The following DDO variants were observed in gnomAD, a reference collection of about 807,000 sequenced individuals.
DDO encodes the protein D-aspartate oxidase, DDO.
A neutral mutation model predicts 16.8 loss-of-function variants in DDO; 16 were observed. The ratio of observed to expected loss-of-function variants is 0.95; its 90% CI spans 0.65 to 1.45. The LOEUF (loss-of-function observed/expected upper bound fraction) is 1.45. Ranked by LOEUF, DDO falls within the 40% of genes most tolerant of loss-of-function variation. The pLI is 0.00. For synonymous variants in DDO, 180 were observed against 167.2 expected (o/e 1.08, Z -0.59); for missense variants, 429 against 420.3 (o/e 1.02, Z -0.18).
intron 4 of DDO, among the ~76,000 whole-genome samples, chr6:110,395,922 A>C (rs1251505844): frequency 2.0e-5 from 3 of 152,032 alleles, no homozygotes; most frequent in Non-Finnish European, 4.4e-5. Context: ...AATTCCAGCT[A>C]CTCAGGAGGC....
At chr6:110,395,282 G>T (rs2114809660) in intron 4 of DDO, among the ~76,000 whole-genome samples, 1 of 152,182 alleles carries the variant, frequency 6.6e-6, no homozygotes, top group East Asian at 1.9e-4. Flanking sequence ...TTCCTTCGCT[G>T]GACTGCCTTC....
At chr6:110,389,361 G>A (rs1773064124), downstream of DDO, among the ~76,000 whole-genome samples, 1 of 152,186 alleles carries the variant, frequency 6.6e-6, no homozygotes, top group Non-Finnish European at 1.5e-5. Context: ...AATTGTGTGA[G>A]CCAACACTCA....
At chr6:110,400,331 G>T (rs1450416092) in intron 4 of DDO, among the ~76,000 whole-genome samples, 1 of 150,656 alleles carries the variant, frequency 6.6e-6, no homozygotes, top group Admixed American at 6.6e-5. Flanking sequence ...GGGAGGGTGC[G>T]CAGGAGCGGG....
chr6:110,395,816 A>G (rs1773270919), intron 4 of DDO, among the ~76,000 whole-genome samples: 1 of 152,212 alleles, frequency 6.6e-6, no homozygotes, highest in African/African-American at 2.4e-5. Flanking sequence ...TGGAAAGTTT[A>G]ACTGCAACTT....
At position 110,391,898 on chromosome 6, in the gene DDO, C is replaced by G. The variant is rs1773111018; in HGVS notation, c.*877G>C. On this transcript the variant is annotated 3_prime_UTR_variant, in exon 5 of 5. Transcript: ENST00000368924. ...TATTTCATTCAGAATGATTGTTCCACCTTAATTAGCAAATTAGTTCTTTGG... is the reference window on the plus strand; with the variant it reads ...TATTTCATTCAGAATGATTGTTCCAGCTTAATTAGCAAATTAGTTCTTTGG... The G allele has an allele frequency of 6.6e-6, 1 of 152,240 alleles. No individual in the cohort carries two copies. Among genetic ancestry groups the G allele is most frequent in the Admixed American group, 6.5e-5 (1 of 15,274 alleles). The allele number at this position is 152,240 out of a possible 1,614,324, so 9.4% of individuals were successfully genotyped here.
At chr6:110,389,760 G>A (rs1773070026), downstream of DDO, among the ~76,000 whole-genome samples, 1 of 152,126 alleles carries the variant, frequency 6.6e-6, no homozygotes, top group Admixed American at 6.5e-5. Context: ...ATCAAGTCCT[G>A]GCCATTTTGT....
At chr6:110,414,496 A>T (rs1773976385) in intron 1 of DDO, among the ~76,000 whole-genome samples, 1 of 152,246 alleles carries the variant, frequency 6.6e-6, no homozygotes, top group Admixed American at 6.5e-5. Flanking sequence ...TGCAGGGGAC[A>T]GACATCCCGG....
chr6:110,388,692 G>T, downstream of DDO: 1 of 563,112 alleles, frequency 1.8e-6, no homozygotes, highest in Non-Finnish European at 2.3e-6. Context: ...CGCTGGCAAT[G>T]ACAGGGCTCA....
rs545645192 is a variant in DDO at position 110,411,661 on chromosome 6, G to T, written c.172+1630C>A. ...AATAGAGAGAGATAAATAGGAGGGG[G>T]ACAAAGCTAAAAGAATTGGAGGACC... On this transcript the variant is annotated intron_variant, in intron 2 of 4. Transcript: ENST00000368924. Among the ~76,000 whole-genome samples, 10 of 152,198 alleles carry T rather than the reference G, an allele frequency of 6.6e-5. No homozygotes were observed. The East Asian group carries it at 1.9e-3, about 29-fold the overall frequency.
intron 4 of DDO, among the ~76,000 whole-genome samples, chr6:110,393,969 T>C (rs913940189): frequency 6.6e-6 from 1 of 152,238 alleles, no homozygotes; most frequent in Non-Finnish European, 1.5e-5. Flanking sequence ...GTAGTCTTTA[T>C]TTAAATCAAG....
intron 4 of DDO, among the ~76,000 whole-genome samples, chr6:110,401,422 G>A (rs1400980443): frequency 6.6e-6 from 1 of 151,572 alleles, no homozygotes; most frequent in African/African-American, 2.4e-5. Flanking sequence ...CCAAATTTGG[G>A]GTGTGTGGAA....
Position 110,393,191 on chromosome 6 carries a change from G to A in DDO, c.610C>T (p.Leu204Phe), listed in dbSNP as rs1207321268. The change falls in exon 5 of 5, where the codon CTC (leucine) becomes TTC (phenylalanine). Residue 204 changes from leucine to phenylalanine, a missense_variant. Leu to Phe is a conservative substitution (Grantham distance 22, BLOSUM62 0). Coordinates refer to ENST00000368924, the MANE Select transcript of DDO (RefSeq NM_001372108.2). ...TCCACCCAGGGAGCCTGAACTTGGA[G>A]GACTTGGCCCCTTACAGGGAAAATC... Reference protein sequence around the residue: ...SKIFPVRGQVLQVQAPWVEHF... With the variant: ...SKIFPVRGQVFQVQAPWVEHF... 45 of 1,614,134 alleles carry A rather than the reference G, an allele frequency of 2.8e-5. No homozygotes were observed. In the East Asian group the frequency reaches 9.8e-4, roughly 35 times the overall value.
Position 110,413,405 on chromosome 6 carries a change from C to T in DDO, c.58G>A (p.Val20Met). The change falls in exon 2 of 5, where the codon GTG (valine) becomes ATG (methionine). Residue 20 changes from valine (V) to methionine (M), a missense_variant. Coordinates refer to ENST00000368924, the MANE Select transcript of DDO (RefSeq NM_001372108.2). ...GAGVVGLSTA[V>M]CISKLVPRCS... ...CGGGGCACCAGTTTGGAGATGCACA[C>T]AGCCGTGGAGAGCCCCACCACACCT... The T allele has an allele frequency of 6.2e-7, 1 of 1,614,072 alleles. No individual in the cohort carries two copies.
intron 4 of DDO, among the ~76,000 whole-genome samples, chr6:110,396,060 T>C (rs1242258403): frequency 3.9e-5 from 6 of 152,208 alleles, no homozygotes; most frequent in Non-Finnish European, 5.9e-5. Context: ...AGAGAGAGAA[T>C]GCCTCACGTT....
Position 110,408,452 on chromosome 6 carries a change from T to A in DDO, c.173-10A>T. The A allele has an allele frequency of 6.2e-7, 1 of 1,611,152 alleles. No homozygotes were observed. The highest frequency in any genetic ancestry group is 8.5e-7 in the Non-Finnish European group (1 of 1,178,042). On this transcript the variant is annotated splice_polypyrimidine_tract_variant and intron_variant, in intron 2 of 4. Transcript: ENST00000368924. ...GTGTGAATGGGTGTATCTGTAATCA[T>A]GGAGAAAAGCAAAGTGGAACAGAAA... is the stretch of plus-strand genomic sequence containing the variant.
At chr6:110,391,076 G>C (rs571643932), downstream of DDO, among the ~76,000 whole-genome samples, 3 of 152,342 alleles carry the variant, frequency 2.0e-5, no homozygotes, top group South Asian at 6.2e-4. Flanking sequence ...TTTTACTTGA[G>C]AATGTTAATA....
At chr6:110,391,507 T>C (rs757742401), downstream of DDO, among the ~76,000 whole-genome samples, 9 of 152,110 alleles carry the variant, frequency 5.9e-5, no homozygotes, top group Non-Finnish European at 1.0e-4. Context: ...AGCTAATTTT[T>C]GTATTTTTAT....
At chr6:110,401,099 T>C (rs992559320) in intron 4 of DDO, among the ~76,000 whole-genome samples, 2 of 152,204 alleles carry the variant, frequency 1.3e-5, no homozygotes, top group Admixed American at 6.5e-5. Flanking sequence ...AAGATATGGA[T>C]AGAGCGAGGG....
chr6:110,403,735 T>C (rs934618206), intron 4 of DDO, among the ~76,000 whole-genome samples: 10 of 152,334 alleles, frequency 6.6e-5, no homozygotes, highest in African/African-American at 2.2e-4. Context: ...TGCATAAGTC[T>C]GTACTTTATT....
Sources: allele counts gnomAD v4.1 joint callset (sites outside exome capture counted in the v4.1 genomes callset), GRCh38; gene constraint gnomAD v4.1.1; transcripts MANE v1.5; gene names NCBI Gene and HGNC (gene_info 2026-07-23, HGNC 2026-07-21).